Variants in TEAD1 observed in about 807,000 individuals in gnomAD.
The protein encoded by TEAD1 is TEA domain transcription factor 1, also known as transcriptional enhancer factor TEF-1.
In TEAD1, 9 loss-of-function variants were observed where a neutral mutation model predicts 54.9. That is an observed-to-expected ratio of 0.16 (90% CI 0.10 to 0.29). The LOEUF is 0.29. Among genes scored for constraint, TEAD1 ranks in the 10% least tolerant of loss-of-function variants. The pLI is 1.00. For missense variants in TEAD1, 387 were observed against 535.9 expected (o/e 0.72, Z 2.74); for synonymous variants, 200 against 187.8 (o/e 1.07, Z -0.53).
chr11:12,801,569 A>G (rs1378754923), intron 3 of TEAD1, among the ~76,000 whole-genome samples: 2 of 152,266 alleles, frequency 1.3e-5, no homozygotes, highest in Non-Finnish European at 2.9e-5. Flanking sequence ...TTGCAGATGC[A>G]CAAACTGAAG....
intron 7 of TEAD1, 38 bp from the exon 8 acceptor site, chr11:12,881,858 C>A: frequency 6.2e-7 from 1 of 1,607,782 alleles, no homozygotes; most frequent in Non-Finnish European, 8.5e-7. Flanking sequence ...GCTGCAGATG[C>A]GATCTCTTAA....
rs145417633 is a variant in TEAD1, at chr11:12,919,085, T to A, written c.874-5827T>A. On this transcript the variant is annotated intron_variant, in intron 10 of 12. Transcript: ENST00000527636. Reference sequence around the variant, plus strand: ...TTAATCAAGCTGTAAACTTCCAGTTTGTGTACTTTTCTGAATGTATATTTT... The same window carrying A: ...TTAATCAAGCTGTAAACTTCCAGTTAGTGTACTTTTCTGAATGTATATTTT... 2.6e-5 allele frequency among the ~76,000 whole-genome samples: 4 copies of A among 152,364 alleles called. No individual in the cohort carries two copies. The East Asian group carries it at 7.7e-4, about 29-fold the overall frequency.
chr11:12,734,935 G>A (rs899370012), intron 2 of TEAD1, among the ~76,000 whole-genome samples: 8 of 152,060 alleles, frequency 5.3e-5, no homozygotes, highest in Admixed American at 3.3e-4. Flanking sequence ...CAAACACACC[G>A]CCATATATAT....
intron 3 of TEAD1, among the ~76,000 whole-genome samples, chr11:12,799,407 G>A (rs1590163543): frequency 1.3e-5 from 2 of 152,108 alleles, no homozygotes; most frequent in East Asian, 1.9e-4. Context: ...ATTAGGTGTC[G>A]AGTTCTATGG....
intron 3 of TEAD1, among the ~76,000 whole-genome samples, chr11:12,817,748 T>C (rs1307897729): frequency 6.6e-6 from 1 of 152,206 alleles, no homozygotes; most frequent in Non-Finnish European, 1.5e-5. Flanking sequence ...GAGAATTGTT[T>C]CACAGTAGCC....
At chr11:12,802,839 A>C (rs1946089620) in intron 3 of TEAD1, among the ~76,000 whole-genome samples, 1 of 152,180 alleles carries the variant, frequency 6.6e-6, no homozygotes, top group Non-Finnish European at 1.5e-5. Flanking sequence ...GTTAATTAGC[A>C]ACTGTCTCCA....
intron 2 of TEAD1, among the ~76,000 whole-genome samples, chr11:12,690,939 A>G (rs763789530): frequency 6.6e-6 from 1 of 152,072 alleles, no homozygotes; most frequent in Non-Finnish European, 1.5e-5. Context: ...AGTTTTTTGT[A>G]GAGACAGGGT....
chr11:12,852,634 G>T, intron 3 of TEAD1, among the ~76,000 whole-genome samples: 1 of 152,022 alleles, frequency 6.6e-6, no homozygotes, highest in African/African-American at 2.4e-5. Context: ...TTTTAGTAGA[G>T]ACGGGGTTTC....
chr11:12,758,405 GTTTTTTTT>G (rs1200374096), intron 2 of TEAD1, among the ~76,000 whole-genome samples: 3 of 85,728 alleles, frequency 3.5e-5, no homozygotes, highest in African/African-American at 1.0e-4. Context: ...CGCCCAGCTA[GTTTTTTTT>G]TTTTTTTTTT....
chr11:12,750,456 T>C (rs1196266178), intron 2 of TEAD1, among the ~76,000 whole-genome samples: 2 of 152,218 alleles, frequency 1.3e-5, no homozygotes, highest in Non-Finnish European at 2.9e-5. Context: ...AGAACTGTCC[T>C]GGCCTTGGAC....
chr11:12,820,037 G>A (rs1946507497), intron 3 of TEAD1, among the ~76,000 whole-genome samples: 1 of 151,514 alleles, frequency 6.6e-6, no homozygotes, highest in East Asian at 2.0e-4. Context: ...AGGGAGTTGT[G>A]GGGAGGGAGG....
In TEAD1 at chr11:12,817,417, TCTGTTGTACC is replaced by T. The variant is rs553386363; in HGVS notation, c.203-44830_203-44821del. On this transcript the variant is annotated intron_variant, in intron 3 of 12. Transcript: ENST00000527636. ...ATGTACCTAATTCCCAACTTGTTGA[TCTGTTGTACC>T]CTATTTTAATTATTTTGCCAGATGT... Among the ~76,000 whole-genome samples, 18 of 152,330 alleles carry T rather than the reference TCTGTTGTACC, an allele frequency of 1.2e-4. No individual in the cohort carries two copies. In the South Asian group the frequency reaches 3.7e-3, roughly 32 times the overall value.
intron 9 of TEAD1, among the ~76,000 whole-genome samples, chr11:12,889,343 T>G (rs1344665062): frequency 9.2e-5 from 14 of 152,162 alleles, no homozygotes; most frequent in African/African-American, 3.1e-4. Context: ...GTTTTCCTGA[T>G]AAAGCCTGGA....
At position 12,859,158 on chromosome 11, in the gene TEAD1, A is replaced by G. The variant is rs1444461738; in HGVS notation, c.203-3092A>G. 2.6e-5 allele frequency among the ~76,000 whole-genome samples: 4 copies of G among 152,374 alleles called. No individual in the cohort carries two copies. In the East Asian group the frequency reaches 7.7e-4, roughly 29 times the overall value. On this transcript the variant is annotated intron_variant, in intron 3 of 12. Coordinates refer to ENST00000527636, the MANE Select transcript of TEAD1 (RefSeq NM_021961.6). Reference sequence around the variant, plus strand: ...TAACTCCAAGGGGTGCCATTTGTATAGGCTGTGGTACACAGTCAAATAGGG... The same window carrying G: ...TAACTCCAAGGGGTGCCATTTGTATGGGCTGTGGTACACAGTCAAATAGGG...
In TEAD1 at chr11:12,876,951, C is replaced by T. The variant is rs1468342216; in HGVS notation, c.331-2757C>T. 2.6e-5 allele frequency among the ~76,000 whole-genome samples: 4 copies of T among 152,226 alleles called. No individual in the cohort carries two copies. In the East Asian group the frequency reaches 7.7e-4, roughly 29 times the overall value. On this transcript the variant is annotated intron_variant, in intron 5 of 12. Transcript: ENST00000527636. ...ACAGTAGATTGCCTGGCACTGAGGT[C>T]TGCATGTGTGGGCCCAGTTTGTCAG...
chr11:12,798,584 T>C (rs1945985846), intron 3 of TEAD1, among the ~76,000 whole-genome samples: 2 of 152,290 alleles, frequency 1.3e-5, no homozygotes, highest in South Asian at 4.1e-4. Flanking sequence ...ATGAAGGAAG[T>C]TGGAACCCGT....
chr11:12,893,861 G>C (rs567421290), intron 9 of TEAD1, among the ~76,000 whole-genome samples: 2 of 152,334 alleles, frequency 1.3e-5, no homozygotes, highest in East Asian at 3.9e-4. Flanking sequence ...GCTGAGGAGA[G>C]AACCCACTTC....
At chr11:12,695,866 A>G (rs181664639) in intron 2 of TEAD1, among the ~76,000 whole-genome samples, 131 of 152,138 alleles carry the variant, frequency 8.6e-4, no homozygotes, top group African/African-American at 1.5e-3. Flanking sequence ...TGTCTCCCCA[A>G]CCCTTGCATT....
intron 2 of TEAD1, among the ~76,000 whole-genome samples, chr11:12,741,400 C>T (rs1475543066): frequency 6.6e-6 from 1 of 152,084 alleles, no homozygotes; most frequent in African/African-American, 2.4e-5. Flanking sequence ...TTTTGAGGCT[C>T]CCAATAAAGG....
Sources: gnomAD v4.1 joint callset for allele counts (sites outside exome capture counted in the v4.1 genomes callset) on GRCh38, gnomAD v4.1.1 for gene constraint, MANE v1.5 for transcripts, NCBI Gene and HGNC (gene_info 2026-07-23, HGNC 2026-07-21) for gene names.